The following ZHX2 variants were observed in gnomAD, a reference collection of about 807,000 sequenced individuals.
The protein encoded by ZHX2 is zinc fingers and homeoboxes protein 2.
In ZHX2, 6 loss-of-function variants were observed where a neutral mutation model predicts 21.9. That is an observed-to-expected ratio of 0.27 (90% confidence interval 0.15 to 0.54). The LOEUF (loss-of-function observed/expected upper bound fraction) is 0.54, where lower values mean the gene tolerates loss of function less well. Among genes scored for constraint, ZHX2 ranks in the 20% least tolerant of loss-of-function variants. The probability of loss-of-function intolerance (pLI) is 0.95; values close to 1 mark genes in which losing one functional copy is unlikely to be tolerated. For missense variants in ZHX2, 908 were observed against 1,090.7 expected, an observed-to-expected ratio of 0.83 and a Z score of 2.36; for synonymous variants, 434 against 437.1, an observed-to-expected ratio of 0.99 and a Z score of 0.09.
rs569536050 is a variant in ZHX2 at position 122,928,287 on chromosome 8, G to A, written c.-219-23005G>A. On this transcript the variant is annotated intron_variant, in intron 2 of 3. Transcript: ENST00000314393. Reference sequence around the variant, plus strand: ...TTGCTTTTGAGAATATTGGCTTATCGGGGAAACTGGATTGTTTTGTTCACT... The same window carrying A: ...TTGCTTTTGAGAATATTGGCTTATCAGGGAAACTGGATTGTTTTGTTCACT... Among the ~76,000 whole-genome samples, 105 of 152,246 alleles carry A rather than the reference G, an allele frequency of 6.9e-4. 2 individuals carry two copies. The highest frequency in any genetic ancestry group is 2.5e-3 in the African/African-American group (102 of 41,550).
chr8:122,806,712 G>A (rs1817832169), intron 1 of ZHX2, among the ~76,000 whole-genome samples: 1 of 152,216 alleles, frequency 6.6e-6, no homozygotes. Context: ...AGTTGTAGGA[G>A]AGTGACTGTC....
At chr8:122,875,386 A>G (rs1819548544) in intron 2 of ZHX2, among the ~76,000 whole-genome samples, 1 of 151,910 alleles carries the variant, frequency 6.6e-6, no homozygotes, top group Non-Finnish European at 1.5e-5. Context: ...AAAGCCTAAG[A>G]TATTTACTGT....
chr8:122,852,043 C>A (rs1048034947), intron 1 of ZHX2, among the ~76,000 whole-genome samples: 1 of 152,254 alleles, frequency 6.6e-6, no homozygotes, highest in African/African-American at 2.4e-5. Context: ...ATTTTTGCTG[C>A]CTCCTGGATG....
chr8:122,858,774 G>A (rs1490187841), intron 1 of ZHX2, among the ~76,000 whole-genome samples: 1 of 151,866 alleles, frequency 6.6e-6, no homozygotes, highest in African/African-American at 2.4e-5. Flanking sequence ...CCCAGTAGCT[G>A]GGATTACAGG....
intron 1 of ZHX2, among the ~76,000 whole-genome samples, chr8:122,860,534 A>G (rs531205826): frequency 1.3e-5 from 2 of 152,366 alleles, no homozygotes; most frequent in African/African-American, 4.8e-5. Context: ...ATTATAGCAC[A>G]GTTAAAATGG....
intron 2 of ZHX2, among the ~76,000 whole-genome samples, chr8:122,926,583 G>A (rs933016983): frequency 5.9e-5 from 9 of 152,298 alleles, no homozygotes; most frequent in Admixed American, 2.0e-4. Flanking sequence ...GGTGGCGAGT[G>A]CAGATATGAA....
At chr8:122,916,397 A>G (rs1820602826) in intron 2 of ZHX2, among the ~76,000 whole-genome samples, 1 of 152,168 alleles carries the variant, frequency 6.6e-6, no homozygotes, top group Admixed American at 6.5e-5. Flanking sequence ...AGGAAGTTGC[A>G]TTGCATCCTG....
At chr8:122,848,937 T>G (rs552713347) in intron 1 of ZHX2, among the ~76,000 whole-genome samples, 1 of 152,324 alleles carries the variant, frequency 6.6e-6, no homozygotes, top group East Asian at 1.9e-4. Flanking sequence ...TGATGAGTGC[T>G]GAGGTGCCAC....
At chr8:122,955,185 C>T (rs927613580) in intron 3 of ZHX2, among the ~76,000 whole-genome samples, 6 of 145,668 alleles carry the variant, frequency 4.1e-5, no homozygotes, top group Admixed American at 1.4e-4. Context: ...CAGTGCAAAT[C>T]GAGGCCTGAA....
intron 1 of ZHX2, among the ~76,000 whole-genome samples, chr8:122,860,784 C>T (rs374757782): frequency 1.3e-5 from 2 of 152,084 alleles, no homozygotes; most frequent in South Asian, 4.1e-4. Context: ...ACCTGTAATC[C>T]CAGCACTTTG....
At chr8:122,879,640 A>G (rs562712319) in intron 2 of ZHX2, among the ~76,000 whole-genome samples, 1 of 152,200 alleles carries the variant, frequency 6.6e-6, no homozygotes, top group East Asian at 1.9e-4. Flanking sequence ...AGGCCCAGTT[A>G]TGTGACTTTC....
At chr8:122,810,756 T>C (rs980559708) in intron 1 of ZHX2, among the ~76,000 whole-genome samples, 4 of 152,138 alleles carry the variant, frequency 2.6e-5, no homozygotes, top group African/African-American at 9.7e-5. Flanking sequence ...AGGAGTGTTG[T>C]ATGTGAAATG....
chr8:122,937,978 C>T (rs1812748158), intron 2 of ZHX2, among the ~76,000 whole-genome samples: 1 of 117,102 alleles, frequency 8.5e-6, no homozygotes, highest in East Asian at 2.9e-4. Flanking sequence ...GCTCTGTCAC[C>T]AGGCTGGAGT....
chr8:122,798,977 T>C (rs751325961), intron 1 of ZHX2, among the ~76,000 whole-genome samples: 1 of 152,144 alleles, frequency 6.6e-6, no homozygotes, highest in Non-Finnish European at 1.5e-5. Flanking sequence ...CCTGGGGCTT[T>C]ATAAGAGAGG....
Position 122,810,796 on chromosome 8 carries a change from T to C in ZHX2, c.-283+28850T>C, listed in dbSNP as rs979959773. ...ATCCACAGACTAGCATGTCTTTTTT[T>C]TTTTTATTATTATACTTTAAGTTTT... On this transcript the variant is annotated intron_variant, in intron 1 of 3. Coordinates refer to ENST00000314393, the MANE Select transcript of ZHX2 (RefSeq NM_014943.5). Among the ~76,000 whole-genome samples the C allele has an allele frequency of 3.3e-5, 5 of 152,168 alleles. No individual in the cohort carries two copies. In the East Asian group the frequency reaches 9.6e-4, roughly 29 times the overall value.
At chr8:122,797,626 G>T (rs1416137453) in intron 1 of ZHX2, among the ~76,000 whole-genome samples, 1 of 149,016 alleles carries the variant, frequency 6.7e-6, no homozygotes, top group Non-Finnish European at 1.5e-5. Context: ...CACTTAGTCA[G>T]CGCCGTCTTT....
chr8:122,966,069 C>T (rs1241871769), intron 3 of ZHX2, among the ~76,000 whole-genome samples: 1 of 152,166 alleles, frequency 6.6e-6, no homozygotes, highest in Non-Finnish European at 1.5e-5. Context: ...CTCTTGAAGA[C>T]AGCAGATACT....
At chr8:122,860,891 G>A (rs1819149289) in intron 1 of ZHX2, among the ~76,000 whole-genome samples, 1 of 151,918 alleles carries the variant, frequency 6.6e-6, no homozygotes, top group South Asian at 2.1e-4. Flanking sequence ...AAATTAGCCG[G>A]GCATGGCAGT....
At chr8:122,927,887 G>A (rs1820896189) in intron 2 of ZHX2, among the ~76,000 whole-genome samples, 1 of 152,146 alleles carries the variant, frequency 6.6e-6, no homozygotes, top group Non-Finnish European at 1.5e-5. Context: ...GAGTACTGGA[G>A]GCAAGCTTGG....
Sources: gnomAD v4.1 joint callset for allele counts (sites outside exome capture counted in the v4.1 genomes callset) on GRCh38, gnomAD v4.1.1 for gene constraint, MANE v1.5 for transcripts, NCBI Gene and HGNC (gene_info 2026-07-23, HGNC 2026-07-21) for gene names.